The following XYLT1 variants were observed in gnomAD, a reference collection of about 807,000 sequenced individuals.
XYLT1 encodes the protein beta-D-xylosyltransferase 1.
A neutral mutation model predicts 91.3 loss-of-function variants in XYLT1; 36 were observed. The observed-to-expected ratio is 0.39, with a 90% CI of 0.30 to 0.52. The LOEUF (loss-of-function observed/expected upper bound fraction) is 0.52. XYLT1 is among the 20% of genes least tolerant of loss of function. The probability of loss-of-function intolerance (pLI) is 0.68; values close to 1 mark genes in which losing one functional copy is unlikely to be tolerated. For synonymous variants in XYLT1, 588 were observed against 532.0 expected (o/e 1.11, Z -1.45); for missense variants, 1,242 against 1,284.5 (o/e 0.97, Z 0.51).
In XYLT1 at chr16:17,105,658, T is replaced by C. The variant is rs1966764486; in HGVS notation, c.*3037A>G. ...GAATGCTTCCTTCTCCACAAACCAATACCCCAAGGCCCACCTGTCAGCCTT... is the reference window on the plus strand; with the variant it reads ...GAATGCTTCCTTCTCCACAAACCAACACCCCAAGGCCCACCTGTCAGCCTT... On this transcript the variant is annotated 3_prime_UTR_variant, in exon 12 of 12. Transcript: ENST00000261381. 1 of 152,044 alleles carries C rather than the reference T, an allele frequency of 6.6e-6. No homozygotes were observed. The highest frequency in any genetic ancestry group is 1.5e-5 in the Non-Finnish European group (1 of 68,018). The allele number at this position is 152,044 out of a possible 1,614,324, so 9.4% of individuals were successfully genotyped here. A position where few individuals can be genotyped will look rare whatever the true frequency, so the allele number is the denominator to read the frequency against.
intron 3 of XYLT1, among the ~76,000 whole-genome samples, chr16:17,245,906 C>T (rs959924018): frequency 6.6e-6 from 1 of 152,228 alleles, no homozygotes; most frequent in African/African-American, 2.4e-5. Context: ...ACTTCAAACA[C>T]AAGTCCTTAG....
intron 6 of XYLT1, among the ~76,000 whole-genome samples, chr16:17,152,677 G>C (rs931704123): frequency 1.3e-5 from 2 of 152,212 alleles, no homozygotes; most frequent in Non-Finnish European, 2.9e-5. Context: ...TGTCAGAAAA[G>C]GGGAGCTAGG....
intron 1 of XYLT1, among the ~76,000 whole-genome samples, chr16:17,405,220 T>G (rs1332865443): frequency 1.3e-5 from 2 of 152,198 alleles, no homozygotes; most frequent in Non-Finnish European, 2.9e-5. Flanking sequence ...CACAACATGA[T>G]GCCCTGTTTC....
At chr16:17,452,864 C>T (rs1322715978) in intron 1 of XYLT1, among the ~76,000 whole-genome samples, 1 of 152,106 alleles carries the variant, frequency 6.6e-6, no homozygotes, top group East Asian at 1.9e-4. Context: ...CTAGAATACA[C>T]ACACACACAC....
Position 17,225,404 on chromosome 16 carries a change from G to A in XYLT1, c.914-24750C>T, listed in dbSNP as rs147674820. 9.9e-3 allele frequency among the ~76,000 whole-genome samples: 1,511 copies of A among 152,190 alleles called. 30 individuals are homozygous for A. The highest frequency in any genetic ancestry group is 0.035 in the African/African-American group (1,438 of 41,514). On this transcript the variant is annotated intron_variant, in intron 3 of 11. Coordinates refer to ENST00000261381, the MANE Select transcript of XYLT1 (RefSeq NM_022166.4). ...AGAGTGTCAAGACGGTGAAAGCAAA[G>A]CATAAAATCTAACATGGGGCTTTCT... is the stretch of plus-strand genomic sequence containing the variant.
chr16:17,405,458 A>G (rs1024580428), intron 1 of XYLT1, among the ~76,000 whole-genome samples: 7 of 151,984 alleles, frequency 4.6e-5, no homozygotes, highest in Non-Finnish European at 8.8e-5. Context: ...AAAGACGAGA[A>G]CTCTGCCACA....
chr16:17,356,095 G>C (rs2035291038), intron 2 of XYLT1, among the ~76,000 whole-genome samples: 1 of 151,900 alleles, frequency 6.6e-6, no homozygotes, highest in African/African-American at 2.4e-5. Flanking sequence ...CCACCTACTA[G>C]ATGCCAGTTG....
At position 17,470,839 on chromosome 16, in the gene XYLT1, C is replaced by G. The variant is rs1276664089; in HGVS notation, c.-43G>C. 7.1e-6 allele frequency: 7 copies of G among 982,022 alleles called. No individual in the cohort carries two copies. The African/African-American group carries it at 1.3e-4, about 18-fold the overall frequency. The allele number at this position is 982,022 out of a possible 1,614,324, so 60.8% of individuals were successfully genotyped here. ...CGAGCGAGGCGCGGGGACCCCGGCA[C>G]GCTCCGGGCCGCCCCCGCGCTCCCC... is the stretch of plus-strand genomic sequence containing the variant. On this transcript the variant is annotated 5_prime_UTR_variant, in exon 1 of 12. Coordinates refer to ENST00000261381, the MANE Select transcript of XYLT1 (RefSeq NM_022166.4).
intron 2 of XYLT1, among the ~76,000 whole-genome samples, chr16:17,348,478 C>T (rs1334098814): frequency 6.6e-6 from 1 of 152,148 alleles, no homozygotes; most frequent in Non-Finnish European, 1.5e-5. Flanking sequence ...AATGCCACTC[C>T]CAAACTCTGT....
chr16:17,410,724 C>CCTCT (rs1262741184), intron 1 of XYLT1, among the ~76,000 whole-genome samples: 1 of 149,688 alleles, frequency 6.7e-6, no homozygotes, highest in Non-Finnish European at 1.5e-5. Context: ...CTCACTGCAA[C>CCTCT]CTCTGCCTCC....
intron 5 of XYLT1, among the ~76,000 whole-genome samples, chr16:17,177,351 C>T (rs1035713290): frequency 1.3e-5 from 2 of 152,158 alleles, no homozygotes; most frequent in Non-Finnish European, 2.9e-5. Context: ...GGGAAGCTTT[C>T]CCTGGTCCTT....
At chr16:17,138,233 TATC>T (rs2030830260) in intron 8 of XYLT1, 119 bp downstream of exon 8, 7 of 950,970 alleles carry the variant, frequency 7.4e-6, no homozygotes, top group African/African-American at 1.8e-5. Flanking sequence ...TATTATTAAT[TATC>T]AACAGCCAGG....
intron 3 of XYLT1, among the ~76,000 whole-genome samples, chr16:17,229,892 G>C (rs1356154364): frequency 6.6e-6 from 1 of 152,216 alleles, no homozygotes; most frequent in African/African-American, 2.4e-5. Context: ...ATTAAGATGA[G>C]TTCATACTGG....
At chr16:17,131,933 C>A (rs1239348973) in intron 9 of XYLT1, among the ~76,000 whole-genome samples, 1 of 152,150 alleles carries the variant, frequency 6.6e-6, no homozygotes, top group African/African-American at 2.4e-5. Flanking sequence ...CAGCAAGGCA[C>A]CACAGTTCCA....
chr16:17,357,050 G>A (rs1198244164), intron 2 of XYLT1, among the ~76,000 whole-genome samples: 2 of 151,478 alleles, frequency 1.3e-5, no homozygotes, highest in African/African-American at 4.8e-5. Flanking sequence ...GGCAGCGTGC[G>A]CCTGTAGTCC....
chr16:17,338,535 C>A (rs1197762634), intron 2 of XYLT1: 1 of 455,950 alleles, frequency 2.2e-6, no homozygotes, highest in African/African-American at 2.0e-5. Context: ...TTGTGATTTT[C>A]TGACAAGGCT....
At chr16:17,204,592 T>G (rs904195908) in intron 3 of XYLT1, among the ~76,000 whole-genome samples, 1 of 152,090 alleles carries the variant, frequency 6.6e-6, no homozygotes, top group South Asian at 2.1e-4. Context: ...AGGAGAAAGA[T>G]CAACCATTTA....
At chr16:17,228,686 C>G (rs2033110504) in intron 3 of XYLT1, among the ~76,000 whole-genome samples, 1 of 152,142 alleles carries the variant, frequency 6.6e-6, no homozygotes, top group Non-Finnish European at 1.5e-5. Context: ...CCCCTTCTCT[C>G]CATCCATTTT....
At chr16:17,278,072 G>T (rs1322879689) in intron 2 of XYLT1, among the ~76,000 whole-genome samples, 1 of 152,152 alleles carries the variant, frequency 6.6e-6, no homozygotes, top group East Asian at 1.9e-4. Context: ...CGAACATGAG[G>T]CATCTAGTTC....
Sources: allele counts gnomAD v4.1 joint callset (sites outside exome capture counted in the v4.1 genomes callset), GRCh38; gene constraint gnomAD v4.1.1; transcripts MANE v1.5; gene names NCBI Gene and HGNC (gene_info 2026-07-23, HGNC 2026-07-21).